The following NALCN variants were observed in gnomAD, a reference collection of about 807,000 sequenced individuals.
NALCN encodes sodium leak channel, non-selective.
In NALCN, 111 loss-of-function variants were observed where a neutral mutation model predicts 225.3. That is an observed-to-expected ratio of 0.49 (90% CI 0.42 to 0.58). The LOEUF is 0.58. Among genes scored for constraint, NALCN ranks in the 20% least tolerant of loss-of-function variants. The probability of loss-of-function intolerance (pLI) is 0.00; values close to 1 mark genes in which losing one functional copy is unlikely to be tolerated. For synonymous variants in NALCN, 764 were observed against 769.0 expected, an observed-to-expected ratio of 0.99 and a Z score of 0.11; for missense variants, 1,378 against 2,202.4, an observed-to-expected ratio of 0.63 and a Z score of 7.49.
intron 12 of NALCN, among the ~76,000 whole-genome samples, chr13:101,232,188 G>A (rs943890585): frequency 3.3e-5 from 5 of 151,744 alleles, no homozygotes; most frequent in Non-Finnish European, 7.4e-5. Flanking sequence ...TCTGAATTTT[G>A]CCATACCTGA....
At chr13:101,110,498 G>T in intron 20 of NALCN, 121 bp downstream of exon 20, 1 of 1,028,034 alleles carries the variant, frequency 9.7e-7, no homozygotes, top group Non-Finnish European at 1.5e-6. Flanking sequence ...ATTCCCTCTG[G>T]TATGAAGTCT....
intron 18 of NALCN, among the ~76,000 whole-genome samples, chr13:101,115,435 C>G (rs2139664612): frequency 6.6e-6 from 1 of 152,264 alleles, no homozygotes; most frequent in South Asian, 2.1e-4. Context: ...AACATAGTCT[C>G]CATATACCTC....
At chr13:101,155,981 G>T (rs992991092) in intron 15 of NALCN, among the ~76,000 whole-genome samples, 1 of 152,098 alleles carries the variant, frequency 6.6e-6, no homozygotes, top group Non-Finnish European at 1.5e-5. Flanking sequence ...GAGAGAATCA[G>T]TTGTCCCTCC....
chr13:101,279,783 C>G (rs1474015126), intron 10 of NALCN, among the ~76,000 whole-genome samples: 3 of 149,188 alleles, frequency 2.0e-5, no homozygotes, highest in East Asian at 3.9e-4. Context: ...CGCCACTGCA[C>G]TCCAGCCTGG....
chr13:101,079,300 A>G (rs2033470451), intron 34 of NALCN, among the ~76,000 whole-genome samples: 1 of 152,224 alleles, frequency 6.6e-6, no homozygotes, highest in African/African-American at 2.4e-5. Context: ...GGAAGTAATG[A>G]CAACCAATAG....
intron 10 of NALCN, among the ~76,000 whole-genome samples, chr13:101,260,924 G>A (rs2042403516): frequency 6.6e-6 from 1 of 152,044 alleles, no homozygotes; most frequent in Non-Finnish European, 1.5e-5. Context: ...TGCTTATGGG[G>A]GTATTGCTCA....
At position 101,118,074 on chromosome 13, in the gene NALCN, A is replaced by G. The variant is rs1044836143; in HGVS notation, c.2192+6534T>C. On this transcript the variant is annotated intron_variant, in intron 18 of 43. Coordinates refer to ENST00000251127, the MANE Select transcript of NALCN (RefSeq NM_052867.4). Reference sequence around the variant, plus strand: ...AGGAGTGAACCCTAGTGTCAGCTACAGACTTGGCGTGATAGTGATGTGTCA... The same window carrying G: ...AGGAGTGAACCCTAGTGTCAGCTACGGACTTGGCGTGATAGTGATGTGTCA... Among the ~76,000 whole-genome samples, 5 of 152,142 alleles carry G rather than the reference A, an allele frequency of 3.3e-5. No individual in the cohort carries two copies. The East Asian group carries it at 9.6e-4, about 29-fold the overall frequency.
chr13:101,377,084 G>A (rs1450079471), intron 4 of NALCN, 28 bp from the exon 5 acceptor site: 1 of 1,613,744 alleles, frequency 6.2e-7, no homozygotes, highest in East Asian at 2.2e-5. Context: ...GGTAAATGAG[G>A]TTGGATTTTC....
At chr13:101,250,533 G>GA (rs1157615355) in intron 11 of NALCN, among the ~76,000 whole-genome samples, 1 of 151,936 alleles carries the variant, frequency 6.6e-6, no homozygotes, top group Non-Finnish European at 1.5e-5. Flanking sequence ...AATTTTCAAT[G>GA]AATCTTCGAA....
chr13:101,378,932 T>C (rs1289957612), intron 3 of NALCN, among the ~76,000 whole-genome samples: 5 of 152,094 alleles, frequency 3.3e-5, no homozygotes, highest in African/African-American at 1.2e-4. Flanking sequence ...ATTCTAACAC[T>C]TAAAGAACCA....
intron 6 of NALCN, among the ~76,000 whole-genome samples, chr13:101,349,935 G>A (rs1295877025): frequency 6.6e-6 from 1 of 152,096 alleles, no homozygotes; most frequent in Non-Finnish European, 1.5e-5. Context: ...CTTCCAAACC[G>A]TGGAGCAAAC....
At chr13:101,176,498 A>G in intron 14 of NALCN, 124 bp from the exon 15 acceptor site, 2 of 526,504 alleles carry the variant, frequency 3.8e-6, no homozygotes, top group Non-Finnish European at 5.9e-6. Context: ...ATAAACATGC[A>G]GTGATGAATC....
At chr13:101,126,786 C>A (rs756397865) in intron 17 of NALCN, among the ~76,000 whole-genome samples, 1 of 152,136 alleles carries the variant, frequency 6.6e-6, no homozygotes, top group Non-Finnish European at 1.5e-5. Flanking sequence ...CCACCACACC[C>A]GGCCAAAAGT....
At chr13:101,337,207 A>C (rs2045404032) in intron 7 of NALCN, among the ~76,000 whole-genome samples, 1 of 152,210 alleles carries the variant, frequency 6.6e-6, no homozygotes, top group African/African-American at 2.4e-5. Context: ...CTAGACTTAA[A>C]GCCAGAGACC....
Position 101,259,000 on chromosome 13 carries a change from A to G in NALCN, c.1135-426T>C, listed in dbSNP as rs557569748. 4.9e-4 allele frequency among the ~76,000 whole-genome samples: 74 copies of G among 152,350 alleles called. 2 individuals carry two copies. Among genetic ancestry groups the G allele is most frequent in the African/African-American group, 1.7e-3 (71 of 41,588 alleles). On this transcript the variant is annotated intron_variant, in intron 10 of 43. Coordinates refer to ENST00000251127, the MANE Select transcript of NALCN (RefSeq NM_052867.4). ...ATATTTTAGAGATGATTATTATACA[A>G]CTGGAAAAGTAAGAGAAACCTGAGA... is the stretch of plus-strand genomic sequence containing the variant.
intron 7 of NALCN, among the ~76,000 whole-genome samples, chr13:101,335,785 A>G (rs754659509): frequency 1.3e-4 from 19 of 151,400 alleles, no homozygotes; most frequent in Admixed American, 4.6e-4. Context: ...TTCTTTTATG[A>G]CTGCAGTAAA....
At chr13:101,138,685 C>T (rs1219931268) in intron 17 of NALCN, among the ~76,000 whole-genome samples, 1 of 152,222 alleles carries the variant, frequency 6.6e-6, no homozygotes, top group African/African-American at 2.4e-5. Flanking sequence ...ACGCTGTAGA[C>T]TCAACCACAG....
chr13:101,237,756 T>C lies in NALCN; in HGVS notation c.1433A>G (p.Gln478Arg). Residue 478 changes from glutamine (Q) to arginine (R), a missense_variant and splice_region_variant, in exon 12 of 44, where the codon CAG becomes CGG. Transcript: ENST00000251127. ...ACAAATAGGCATTATTTTTATTACC[T>C]GAAAGTACGTGAATTGTGAATGATA... ...DLYHSQFTYFQVLRVVRLIKI... is the reference protein window; with the variant it reads ...DLYHSQFTYFRVLRVVRLIKI... 2 of 1,562,998 alleles carry C rather than the reference T, an allele frequency of 1.3e-6. No individual in the cohort carries two copies. The highest frequency in any genetic ancestry group is 1.7e-6 in the Non-Finnish European group (2 of 1,159,052).
chr13:101,243,161 G>A (rs1249839132), intron 11 of NALCN, among the ~76,000 whole-genome samples: 1 of 94,314 alleles, frequency 1.1e-5, no homozygotes, highest in African/African-American at 3.9e-5. Context: ...CTATCTGTTC[G>A]CTTTTTCCTT....
Sources: allele counts gnomAD v4.1 joint callset (sites outside exome capture counted in the v4.1 genomes callset), GRCh38; gene constraint gnomAD v4.1.1; transcripts MANE v1.5; gene names NCBI Gene and HGNC (gene_info 2026-07-23, HGNC 2026-07-21).